The following FAF1 variants were observed in gnomAD, a reference collection of about 807,000 sequenced individuals.
FAF1 encodes the protein FAS-associated factor 1.
In FAF1, 25 loss-of-function variants were observed where a neutral mutation model predicts 92.5. The ratio of observed to expected loss-of-function variants is 0.27; its 90% CI spans 0.20 to 0.38. The LOEUF is 0.38. FAF1 is among the 10% of genes least tolerant of loss of function. The pLI, the probability that FAF1 is intolerant of heterozygous loss-of-function variation, is 1.00. For synonymous variants in FAF1, 234 were observed against 273.2 expected, an observed-to-expected ratio of 0.86 and a Z score of 1.42; for missense variants, 636 against 793.3, an observed-to-expected ratio of 0.80 and a Z score of 2.38.
At chr1:50,729,739 T>C (rs934100599) in intron 6 of FAF1, among the ~76,000 whole-genome samples, 4 of 150,942 alleles carry the variant, frequency 2.7e-5, no homozygotes, top group East Asian at 2.0e-4. Flanking sequence ...AAGATTGGGA[T>C]AGGCCAGGTG....
chr1:50,902,580 C>T (rs1043835247), intron 1 of FAF1, among the ~76,000 whole-genome samples: 6 of 152,156 alleles, frequency 3.9e-5, no homozygotes, highest in Admixed American at 1.3e-4. Context: ...TTCAAAGTCA[C>T]ACAAACTATA....
chr1:50,728,684 G>A (rs192996636), intron 6 of FAF1, among the ~76,000 whole-genome samples: 14 of 151,832 alleles, frequency 9.2e-5, no homozygotes, highest in East Asian at 3.9e-4. Flanking sequence ...CCAGCTACTC[G>A]GGAGGCTGAG....
chr1:50,655,516 C>T lies in FAF1; in HGVS notation c.670G>A (p.Val224Met). Residue 224 changes from valine to methionine, a missense_variant, in exon 8 of 19, where the codon GTG (valine) becomes ATG (methionine). By Grantham distance (21) the Val-to-Met change is conservative. Around this residue, in one of 2 missense-constraint regions of FAF1, gnomAD observed 317 missense variants for 342.4 expected, o/e 0.93. Transcript: ENST00000396153. ...ACGGGGATACTTGTAAGGTCATACA[C>T]ATTTCTCTTTACCTATGAAAAGAAA... ...SSTIQEVKRN[V>M]YDLTSIPVRH... is the part of the protein sequence containing the mutation. The T allele has an allele frequency of 1.2e-6, 2 of 1,608,712 alleles. No homozygotes were observed. Among genetic ancestry groups the T allele is most frequent in the Non-Finnish European group, 1.7e-6 (2 of 1,175,474 alleles).
In FAF1 at chr1:50,842,396, T is replaced by C. The variant is rs74080096; in HGVS notation, c.114+15533A>G. On this transcript the variant is annotated intron_variant, in intron 2 of 18. Transcript: ENST00000396153. ...ATATTAAGAGAAAACCATTTTGTAA[T>C]CCAAACCAGTATAATTTTAGATCAT... is the stretch of plus-strand genomic sequence containing the variant. Among the ~76,000 whole-genome samples, 1,177 of 152,228 alleles carry C rather than the reference T, an allele frequency of 7.7e-3. 13 individuals are homozygous for C. Among genetic ancestry groups the C allele is most frequent in the African/African-American group, 0.027 (1,137 of 41,556 alleles).
At chr1:50,585,048 T>A (rs541804534) in intron 9 of FAF1, among the ~76,000 whole-genome samples, 1 of 152,184 alleles carries the variant, frequency 6.6e-6, no homozygotes, top group African/African-American at 2.4e-5. Flanking sequence ...GCTTACAAAC[T>A]AAATAAAGAC....
chr1:50,868,800 A>T (rs1644503381), intron 1 of FAF1, among the ~76,000 whole-genome samples: 1 of 152,196 alleles, frequency 6.6e-6, no homozygotes, highest in Non-Finnish European at 1.5e-5. Context: ...TTGGAAATTT[A>T]TGAAGACTTA....
At chr1:50,692,241 C>CTGTGTGTGTGTGTGTGTGTGTG (rs59187392) in intron 7 of FAF1, among the ~76,000 whole-genome samples, 4 of 129,002 alleles carry the variant, frequency 3.1e-5, no homozygotes, top group African/African-American at 8.7e-5. Flanking sequence ...GAAGTATTTA[C>CTGTGTGTGTGTGTGTGTGTGTG]TGTGTGTGTG....
chr1:50,944,149 T>A (rs1208415262), intron 1 of FAF1, among the ~76,000 whole-genome samples: 1 of 152,212 alleles, frequency 6.6e-6, no homozygotes, highest in East Asian at 1.9e-4. Context: ...GTGTTTTGCA[T>A]GGAAGGTACA....
intron 7 of FAF1, among the ~76,000 whole-genome samples, chr1:50,662,000 G>C (rs1238237107): frequency 6.6e-6 from 1 of 152,172 alleles, no homozygotes; most frequent in Non-Finnish European, 1.5e-5. Flanking sequence ...GAATGAGAAG[G>C]TGGCATCAGT....
At chr1:50,771,417 A>T (rs1660771955) in intron 4 of FAF1, among the ~76,000 whole-genome samples, 1 of 152,194 alleles carries the variant, frequency 6.6e-6, no homozygotes, top group Admixed American at 6.5e-5. Flanking sequence ...ACTTAAATTA[A>T]TGAGCAAAAA....
intron 4 of FAF1, among the ~76,000 whole-genome samples, chr1:50,755,704 T>A (rs537401138): frequency 6.6e-6 from 1 of 152,290 alleles, no homozygotes; most frequent in East Asian, 1.9e-4. Context: ...TGCCTGGGCA[T>A]CCAGGCACTT....
intron 1 of FAF1, among the ~76,000 whole-genome samples, chr1:50,906,311 G>T (rs543890443): frequency 6.6e-6 from 1 of 152,126 alleles, no homozygotes; most frequent in Admixed American, 6.6e-5. Context: ...GTCAGGTAAC[G>T]TGATGCCTCC....
At chr1:50,848,969 T>C (rs1388315173) in intron 2 of FAF1, among the ~76,000 whole-genome samples, 1 of 152,090 alleles carries the variant, frequency 6.6e-6, no homozygotes, top group Non-Finnish European at 1.5e-5. Context: ...GTCAATAATA[T>C]TGTACTAAGC....
intron 2 of FAF1, among the ~76,000 whole-genome samples, chr1:50,820,197 A>G (rs1267940624): frequency 6.6e-6 from 1 of 152,060 alleles, no homozygotes; most frequent in African/African-American, 2.4e-5. Context: ...CAAGATGAAA[A>G]AGTTCTGGAG....
At chr1:50,902,225 GC>G (rs1644802098) in intron 1 of FAF1, among the ~76,000 whole-genome samples, 2 of 152,100 alleles carry the variant, frequency 1.3e-5, no homozygotes, top group African/African-American at 4.8e-5. Context: ...AAATTCTAAT[GC>G]TTTTAATAGA....
At chr1:50,640,829 ATTTTTTTT>A (rs71059592) in intron 8 of FAF1, among the ~76,000 whole-genome samples, 76 of 88,518 alleles carry the variant, frequency 8.6e-4, no homozygotes, top group Non-Finnish European at 1.3e-3. Context: ...TTATCAGCTG[ATTTTTTTT>A]TTTTTTTTTT....
intron 7 of FAF1, among the ~76,000 whole-genome samples, chr1:50,701,491 T>C (rs1657472081): frequency 6.6e-6 from 1 of 152,074 alleles, no homozygotes. Context: ...ACATCAATAA[T>C]TAGCACAATC....
At chr1:50,607,373 T>C (rs533304975) in intron 8 of FAF1, among the ~76,000 whole-genome samples, 6 of 152,304 alleles carry the variant, frequency 3.9e-5, no homozygotes, top group Admixed American at 1.3e-4. Flanking sequence ...ACCTGTATGA[T>C]GAAAAAATTG....
intron 8 of FAF1, among the ~76,000 whole-genome samples, chr1:50,607,196 G>A (rs1031590537): frequency 2.0e-5 from 3 of 151,946 alleles, no homozygotes; most frequent in African/African-American, 7.3e-5. Context: ...GCTTCATGGT[G>A]CCCTTGTATG....
Sources: allele counts gnomAD v4.1 joint callset (sites outside exome capture counted in the v4.1 genomes callset), GRCh38; gene constraint gnomAD v4.1.1; regional missense constraint gnomAD v4.1.1; transcripts MANE v1.5; gene names NCBI Gene and HGNC (gene_info 2026-07-23, HGNC 2026-07-21).